The following KCTD1 variants were observed in gnomAD, a reference collection of about 807,000 sequenced individuals.
KCTD1 encodes BTB/POZ domain-containing protein KCTD1.
A neutral mutation model predicts 66.0 loss-of-function variants in KCTD1; 24 were observed. That is an observed-to-expected ratio of 0.36 (90% CI 0.26 to 0.51). The LOEUF (loss-of-function observed/expected upper bound fraction) is 0.51. Ranked by LOEUF, KCTD1 falls within the 20% of genes least tolerant of loss-of-function variation. The pLI is 0.95. For missense variants in KCTD1, 943 were observed against 1,205.2 expected (o/e 0.78, Z 3.22); for synonymous variants, 511 against 517.2 (o/e 0.99, Z 0.16).
upstream of KCTD1, among the ~76,000 whole-genome samples, chr18:26,640,774 G>A (rs144600115): frequency 8.5e-5 from 13 of 152,212 alleles, no homozygotes; most frequent in East Asian, 3.9e-4. Flanking sequence ...GTAGACACAC[G>A]CAGGCAGAAA....
At chr18:26,512,374 A>G (rs1983380710) in intron 1 of KCTD1, among the ~76,000 whole-genome samples, 2 of 151,768 alleles carry the variant, frequency 1.3e-5, no homozygotes, top group Admixed American at 6.6e-5. Flanking sequence ...AAGTGCTAAG[A>G]TTACAGGTGT....
chr18:26,551,116 C>G (rs1399797115), upstream of KCTD1, among the ~76,000 whole-genome samples: 5 of 152,324 alleles, frequency 3.3e-5, no homozygotes, highest in Admixed American at 3.3e-4. Flanking sequence ...CCCTACTGGG[C>G]GAGCTGCTTT....
chr18:26,628,941 C>T (rs1987561084), intron 1 of KCTD1, among the ~76,000 whole-genome samples: 3 of 152,168 alleles, frequency 2.0e-5, no homozygotes, highest in Non-Finnish European at 4.4e-5. Flanking sequence ...TCCGATTACT[C>T]TTCTAGGTTC....
intron 1 of KCTD1, among the ~76,000 whole-genome samples, chr18:26,636,613 G>A (rs1486116946): frequency 1.3e-5 from 2 of 152,176 alleles, no homozygotes; most frequent in African/African-American, 4.8e-5. Context: ...AATGGCAAAA[G>A]CCACAATTAC....
chr18:26,605,601 C>T (rs183644292), intron 1 of KCTD1, among the ~76,000 whole-genome samples: 69 of 152,184 alleles, frequency 4.5e-4, no homozygotes, highest in African/African-American at 1.7e-3. Context: ...ATGACCTGGC[C>T]CTAGACCACT....
chr18:26,640,659 C>T (rs544269707), upstream of KCTD1, among the ~76,000 whole-genome samples: 15 of 152,148 alleles, frequency 9.9e-5, no homozygotes, highest in African/African-American at 3.4e-4. Context: ...CACCTGAGCA[C>T]TTATAGGAGG....
intron 1 of KCTD1, among the ~76,000 whole-genome samples, chr18:26,535,114 T>TGGGGG (rs1984633313): frequency 3.6e-5 from 4 of 110,790 alleles, no homozygotes; most frequent in Non-Finnish European, 5.4e-5. Flanking sequence ...GGTTGGGGGG[T>TGGGGG]GGGGGTGGAG....
intron 1 of KCTD1, among the ~76,000 whole-genome samples, chr18:26,592,086 G>C (rs1294539188): frequency 6.6e-6 from 1 of 152,120 alleles, no homozygotes; most frequent in Non-Finnish European, 1.5e-5. Flanking sequence ...GCATATTCAT[G>C]AAAGTCTTTA....
chr18:26,469,553 C>G (rs922240190), intron 3 of KCTD1, among the ~76,000 whole-genome samples: 14 of 152,222 alleles, frequency 9.2e-5, no homozygotes, highest in Non-Finnish European at 1.0e-4. Flanking sequence ...TCATTTCTAA[C>G]TGTAATTCCC....
At chr18:26,479,384 T>G (rs552642785) in intron 2 of KCTD1, among the ~76,000 whole-genome samples, 14 of 152,190 alleles carry the variant, frequency 9.2e-5, no homozygotes, top group African/African-American at 3.4e-4. Context: ...AGGCCCTGTC[T>G]CGGGGGCCCC....
At chr18:26,518,581 T>G (rs1983773452) in intron 1 of KCTD1, among the ~76,000 whole-genome samples, 1 of 152,220 alleles carries the variant, frequency 6.6e-6, no homozygotes, top group Admixed American at 6.5e-5. Flanking sequence ...TAATTTTTCA[T>G]GAAGGTTTTC....
At chr18:26,540,772 C>T (rs1332990669) in intron 1 of KCTD1, among the ~76,000 whole-genome samples, 1 of 152,160 alleles carries the variant, frequency 6.6e-6, no homozygotes, top group Non-Finnish European at 1.5e-5. Context: ...ATGTGTTAAT[C>T]AACTGTTTAT....
chr18:26,572,024 G>A (rs1986119450), intron 1 of KCTD1, among the ~76,000 whole-genome samples: 1 of 150,900 alleles, frequency 6.6e-6, no homozygotes, highest in Non-Finnish European at 1.5e-5. Context: ...CATGCTAGTG[G>A]TAAGGTTTTT....
intron 1 of KCTD1, among the ~76,000 whole-genome samples, chr18:26,513,151 C>G (rs1334280358): frequency 2.7e-5 from 4 of 150,378 alleles, no homozygotes; most frequent in African/African-American, 9.8e-5. Context: ...GCAATGGCGC[C>G]ATCTCGGTTC....
chr18:26,656,904 C>A (rs1308577058), intron 1 of KCTD1, among the ~76,000 whole-genome samples: 1 of 123,004 alleles, frequency 8.1e-6, no homozygotes, highest in Non-Finnish European at 1.7e-5. Flanking sequence ...GAGGGAGGGG[C>A]TCGGGGAGGG....
At chr18:26,609,954 C>G (rs76673515) in intron 1 of KCTD1, among the ~76,000 whole-genome samples, 228 of 152,272 alleles carry the variant, frequency 1.5e-3, no homozygotes, top group African/African-American at 5.4e-3. Flanking sequence ...GATATTTGCA[C>G]TATACATACC....
At chr18:26,642,917 C>T (rs561323882), upstream of KCTD1, among the ~76,000 whole-genome samples, 366 of 133,646 alleles carry the variant, frequency 2.7e-3, 3 homozygotes, top group African/African-American at 8.6e-3. Context: ...AGCCAGATGG[C>T]GGTGGGCGGA....
At chr18:26,656,897 G>A (rs1988161112) in intron 1 of KCTD1, among the ~76,000 whole-genome samples, 1 of 149,994 alleles carries the variant, frequency 6.7e-6, no homozygotes, top group South Asian at 2.1e-4. Flanking sequence ...GGGGGAGGAG[G>A]GAGGGGCTCG....
At chr18:26,591,990 C>T (rs923384331) in intron 1 of KCTD1, among the ~76,000 whole-genome samples, 21 of 152,118 alleles carry the variant, frequency 1.4e-4, no homozygotes, top group African/African-American at 4.8e-4. Flanking sequence ...AACATTAGAG[C>T]ATAAATCATG....
Sources: gnomAD v4.1 joint callset for allele counts (sites outside exome capture counted in the v4.1 genomes callset) on GRCh38, gnomAD v4.1.1 for gene constraint, MANE v1.5 for transcripts, NCBI Gene and HGNC (gene_info 2026-07-23, HGNC 2026-07-21) for gene names.